The following CAMKMT variants were observed in gnomAD, a reference collection of about 807,000 sequenced individuals.
CAMKMT encodes CaM KMT.
A neutral mutation model predicts 48.0 loss-of-function variants in CAMKMT; 53 were observed. The observed-to-expected ratio is 1.10, with a 90% confidence interval of 0.89 to 1.39. CAMKMT has a LOEUF of 1.39. Among genes scored for constraint, CAMKMT ranks in the 40% most tolerant of loss-of-function variants. The probability of loss-of-function intolerance (pLI) is 0.00; values close to 1 mark genes in which losing one functional copy is unlikely to be tolerated. For synonymous variants in CAMKMT, 165 were observed against 152.3 expected, an observed-to-expected ratio of 1.08 and a Z score of -0.61; for missense variants, 428 against 402.7, an observed-to-expected ratio of 1.06 and a Z score of -0.54.
At chr2:44,463,811 G>C (rs1667969443) in intron 3 of CAMKMT, among the ~76,000 whole-genome samples, 2 of 152,202 alleles carry the variant, frequency 1.3e-5, no homozygotes, top group South Asian at 4.1e-4. Flanking sequence ...AGGATTGAGA[G>C]GCTGTCAGAT....
intron 3 of CAMKMT, among the ~76,000 whole-genome samples, chr2:44,518,799 G>A (rs777381441): frequency 3.3e-5 from 5 of 152,196 alleles, no homozygotes; most frequent in Non-Finnish European, 7.3e-5. Flanking sequence ...ATGAAATCAA[G>A]TGAGTGCATA....
intron 3 of CAMKMT, among the ~76,000 whole-genome samples, chr2:44,624,820 T>C (rs1672390725): frequency 1.3e-5 from 2 of 152,202 alleles, no homozygotes; most frequent in African/African-American, 4.8e-5. Flanking sequence ...GCATGATTTA[T>C]AGTCCTTTGG....
chr2:44,605,721 C>A (rs574121261), intron 3 of CAMKMT, among the ~76,000 whole-genome samples: 5 of 152,204 alleles, frequency 3.3e-5, no homozygotes, highest in African/African-American at 1.2e-4. Flanking sequence ...TGATTGCGAA[C>A]TCCTTAGATT....
chr2:44,495,499 T>G (rs1669711497), intron 3 of CAMKMT, among the ~76,000 whole-genome samples: 1 of 152,180 alleles, frequency 6.6e-6, no homozygotes, highest in Admixed American at 6.5e-5. Context: ...AAAAAGAAAA[T>G]TCATTGCAGT....
chr2:44,462,693 G>A (rs894520519), intron 3 of CAMKMT, among the ~76,000 whole-genome samples: 4 of 151,908 alleles, frequency 2.6e-5, no homozygotes, highest in Middle Eastern at 3.2e-3. Flanking sequence ...AAGTCCTTGC[G>A]TTCATTGCTT....
intron 10 of CAMKMT, 77 bp from the exon 11 acceptor site, chr2:44,771,959 T>C: frequency 1.0e-6 from 1 of 966,900 alleles, no homozygotes; most frequent in Non-Finnish European, 1.6e-6. Flanking sequence ...GTCATCATGA[T>C]ACTCAACATT....
At chr2:44,698,098 A>G (rs1464883472) in intron 3 of CAMKMT, among the ~76,000 whole-genome samples, 7 of 152,234 alleles carry the variant, frequency 4.6e-5, no homozygotes, top group Non-Finnish European at 1.5e-5. Context: ...AAACTTTAAA[A>G]AGTAGCAGCT....
chr2:44,700,365 C>T (rs1489074284), intron 3 of CAMKMT, among the ~76,000 whole-genome samples: 1 of 152,194 alleles, frequency 6.6e-6, no homozygotes, highest in Non-Finnish European at 1.5e-5. Flanking sequence ...TTTTCTTTTA[C>T]ATTCACAACT....
intron 3 of CAMKMT, among the ~76,000 whole-genome samples, chr2:44,479,289 C>G (rs1387706767): frequency 6.6e-6 from 1 of 152,066 alleles, no homozygotes; most frequent in Non-Finnish European, 1.5e-5. Flanking sequence ...TAGAGTACCT[C>G]TCTTTTGTGT....
At chr2:44,605,449 T>G (rs1353306663) in intron 3 of CAMKMT, among the ~76,000 whole-genome samples, 1 of 152,126 alleles carries the variant, frequency 6.6e-6, no homozygotes, top group Admixed American at 6.5e-5. Flanking sequence ...TTTTGGCAGA[T>G]GGAATCACAC....
intron 3 of CAMKMT, among the ~76,000 whole-genome samples, chr2:44,569,288 G>C (rs1285402060): frequency 6.6e-6 from 1 of 152,072 alleles, no homozygotes; most frequent in Non-Finnish European, 1.5e-5. Flanking sequence ...ACATGGTAAA[G>C]GTCTATAAAT....
At chr2:44,726,792 G>A (rs141975624) in intron 7 of CAMKMT, among the ~76,000 whole-genome samples, 2,319 of 152,280 alleles carry the variant, frequency 0.015, 29 homozygotes, top group South Asian at 0.029. Context: ...TTTAATTTTT[G>A]TATATGGCAA....
intron 3 of CAMKMT, among the ~76,000 whole-genome samples, chr2:44,651,161 A>T (rs1234846861): frequency 6.6e-6 from 1 of 152,210 alleles, no homozygotes; most frequent in Non-Finnish European, 1.5e-5. Context: ...CATTCAATTG[A>T]TGTTTCTGGG....
intron 3 of CAMKMT, among the ~76,000 whole-genome samples, chr2:44,572,631 T>A (rs1668975362): frequency 6.6e-6 from 1 of 152,158 alleles, no homozygotes; most frequent in African/African-American, 2.4e-5. Context: ...CTGCTTTAAT[T>A]TTTTGGGGTC....
chr2:44,671,157 C>T (rs1041022273), intron 3 of CAMKMT, among the ~76,000 whole-genome samples: 2 of 152,144 alleles, frequency 1.3e-5, no homozygotes, highest in African/African-American at 2.4e-5. Flanking sequence ...TCTGATACAA[C>T]GTTAAGTCAT....
intron 3 of CAMKMT, among the ~76,000 whole-genome samples, chr2:44,700,026 A>G (rs1332760790): frequency 6.6e-6 from 1 of 152,234 alleles, no homozygotes; most frequent in Non-Finnish European, 1.5e-5. Flanking sequence ...TCTTAGCTAC[A>G]TCTTCTGGAT....
At chr2:44,658,230 T>C (rs1472245289) in intron 3 of CAMKMT, among the ~76,000 whole-genome samples, 1 of 152,196 alleles carries the variant, frequency 6.6e-6, no homozygotes, top group Non-Finnish European at 1.5e-5. Context: ...CGGCTGAGAA[T>C]TTACATATTA....
chr2:44,569,316 C>T (rs919326314), intron 3 of CAMKMT, among the ~76,000 whole-genome samples: 15 of 152,124 alleles, frequency 9.9e-5, no homozygotes, highest in African/African-American at 1.7e-4. Context: ...CAAATATCAT[C>T]GGCTTCTTAC....
At chr2:44,664,633 C>A (rs1674856878) in intron 3 of CAMKMT, among the ~76,000 whole-genome samples, 1 of 151,988 alleles carries the variant, frequency 6.6e-6, no homozygotes, top group African/African-American at 2.4e-5. Flanking sequence ...GGAAATAAAA[C>A]AAATACATAA....
Sources: gnomAD v4.1 joint callset for allele counts (sites outside exome capture counted in the v4.1 genomes callset) on GRCh38, gnomAD v4.1.1 for gene constraint, MANE v1.5 for transcripts, NCBI Gene and HGNC (gene_info 2026-07-23, HGNC 2026-07-21) for gene names.